The following SMG5 variants were observed in gnomAD, a reference collection of about 807,000 sequenced individuals.
The protein encoded by SMG5 is SMG5 nonsense mediated mRNA decay factor.
In SMG5, 53 loss-of-function variants were observed where a neutral mutation model predicts 122.9. That is an observed-to-expected ratio of 0.43 (90% CI 0.35 to 0.54). The LOEUF (loss-of-function observed/expected upper bound fraction) is 0.54. SMG5 is among the 20% of genes least tolerant of loss of function. The pLI is 0.01. For missense variants in SMG5, 1,153 were observed against 1,285.6 expected (o/e 0.90, Z 1.58); for synonymous variants, 477 against 490.2 (o/e 0.97, Z 0.35).
At chr1:156,269,805 G>A (rs1222039539) in intron 7 of SMG5, among the ~76,000 whole-genome samples, 1 of 152,194 alleles carries the variant, frequency 6.6e-6, no homozygotes, top group African/African-American at 2.4e-5. Flanking sequence ...AATCCAGGAG[G>A]CGGAGCTTGC....
chr1:156,279,060 C>T, intron 1 of SMG5, 26 bp from the exon 2 acceptor site: 3 of 1,592,458 alleles, frequency 1.9e-6, no homozygotes, highest in Non-Finnish European at 2.6e-6. Flanking sequence ...GGCAAATATC[C>T]CCTCAGCCAT....
At chr1:156,283,553 G>A (rs1233568355), upstream of SMG5, among the ~76,000 whole-genome samples, 1 of 152,116 alleles carries the variant, frequency 6.6e-6, no homozygotes, top group African/African-American at 2.4e-5. Flanking sequence ...AATCAGGGCA[G>A]GTGGGCTTAC....
chr1:156,264,869 T>C (rs988278550), intron 12 of SMG5, among the ~76,000 whole-genome samples: 2 of 151,872 alleles, frequency 1.3e-5, no homozygotes, highest in African/African-American at 4.8e-5. Flanking sequence ...CTACTAAAAA[T>C]ACAAAAATTA....
At chr1:156,251,981 C>T (rs1661376296) in intron 19 of SMG5, among the ~76,000 whole-genome samples, 1 of 152,234 alleles carries the variant, frequency 6.6e-6, no homozygotes, top group Non-Finnish European at 1.5e-5. Flanking sequence ...ACCACTCCCT[C>T]AGCTCAGCAG....
the SMG5 span, chr1:156,291,414 G>A: frequency 1.9e-6 from 3 of 1,613,914 alleles, no homozygotes; most frequent in African/African-American, 2.7e-5. Flanking sequence ...TTTGCCGTGG[G>A]CCGCTCCTTC....
At chr1:156,268,024 C>T in intron 9 of SMG5, 91 bp downstream of exon 9, 1 of 1,331,602 alleles carries the variant, frequency 7.5e-7, no homozygotes, top group Non-Finnish European at 1.1e-6. Context: ...GAGGGCAGAA[C>T]TCGACAGTCC....
chr1:156,281,663 T>TC (rs2101578670), intron 1 of SMG5, among the ~76,000 whole-genome samples: 1 of 152,316 alleles, frequency 6.6e-6, no homozygotes, highest in East Asian at 1.9e-4. Flanking sequence ...CATGCAAATA[T>TC]CCGTGTTCTA....
At chr1:156,272,296 G>A (rs780425955) in intron 7 of SMG5, 24 bp downstream of exon 7, 16 of 1,573,790 alleles carry the variant, frequency 1.0e-5, no homozygotes, top group Middle Eastern at 1.7e-4. Context: ...AGCAGGGCTG[G>A]AAAAAGAGCT....
chr1:156,272,042 C>A (rs528894825), intron 7 of SMG5, among the ~76,000 whole-genome samples: 60 of 152,316 alleles, frequency 3.9e-4, no homozygotes, highest in African/African-American at 1.4e-3. Flanking sequence ...ATTTTACCAA[C>A]TGTATCAAAT....
At chr1:156,257,764 TCAGA>T (rs775312687) in intron 16 of SMG5, among the ~76,000 whole-genome samples, 1 of 152,082 alleles carries the variant, frequency 6.6e-6, no homozygotes, top group Non-Finnish European at 1.5e-5. Context: ...GAAATGGCAC[TCAGA>T]CAGGGTGTGG....
upstream of SMG5, among the ~76,000 whole-genome samples, chr1:156,286,852 A>G (rs1663179335): frequency 6.6e-6 from 1 of 152,246 alleles, no homozygotes. Flanking sequence ...GGCTGGGTGC[A>G]GTGGCTCATG....
intron 16 of SMG5, among the ~76,000 whole-genome samples, chr1:156,258,713 T>G (rs775576210): frequency 2.6e-4 from 40 of 152,062 alleles, no homozygotes; most frequent in Non-Finnish European, 4.1e-4. Context: ...GGAGAATCAC[T>G]TGAACCTGGG....
In SMG5 at chr1:156,260,502, G is replaced by A. The variant is rs1661771738; in HGVS notation, c.2232C>T (p.His744=). The change falls in exon 15 of 22, where the codon CAC becomes CAT. Residue 744 remains histidine, a synonymous_variant. Coordinates refer to ENST00000361813, the MANE Select transcript of SMG5 (RefSeq NM_015327.3). ...GATCCGTGTCAAAGTTAAAGCGTCT[G>A]TGGGCAGCTCGGAGCGGGGGCAGGT... ...LRNLPPLRAA[H]RRFNFDTDRP... is the part of the protein sequence containing the mutation. 6.3e-7 allele frequency: 1 copy of A among 1,591,720 alleles called. No individual in the cohort carries two copies. Among genetic ancestry groups the A allele is most frequent in the South Asian group, 1.1e-5 (1 of 87,794 alleles).
intron 16 of SMG5, among the ~76,000 whole-genome samples, chr1:156,255,462 C>G (rs2103209778): frequency 6.6e-6 from 1 of 152,122 alleles, no homozygotes; most frequent in South Asian, 2.1e-4. Context: ...TCGCTTGAAC[C>G]CGGGAGGCAG....
At chr1:156,271,293 C>T (rs1422085900) in intron 7 of SMG5, among the ~76,000 whole-genome samples, 1 of 152,168 alleles carries the variant, frequency 6.6e-6, no homozygotes, top group Non-Finnish European at 1.5e-5. Flanking sequence ...TAGTAGTTGA[C>T]CACTTAAGCT....
At chr1:156,272,445 C>A (rs1338332655) in intron 6 of SMG5, 47 bp from the exon 7 acceptor site, 1 of 1,511,316 alleles carries the variant, frequency 6.6e-7, no homozygotes, top group South Asian at 1.2e-5. Context: ...AATACTCATT[C>A]AAAGCTGCCA....
Position 156,274,612 on chromosome 1 carries a change from A to G in SMG5, c.529T>C (p.Tyr177His), listed in dbSNP as rs760944702. 6.2e-7 allele frequency: 1 copy of G among 1,613,990 alleles called. No individual in the cohort carries two copies. The highest frequency in any genetic ancestry group is 8.5e-7 in the Non-Finnish European group (1 of 1,179,870). Residue 177 changes from tyrosine to histidine, a missense_variant, in exon 5 of 22, where the codon TAT (tyrosine) becomes CAT (histidine). This residue lies in a region of SMG5 where 85 missense variants were observed against 127.3 expected (regional missense o/e 0.67). Coordinates refer to ENST00000361813, the MANE Select transcript of SMG5 (RefSeq NM_015327.3). Reference protein sequence around the residue: ...AQMACHRCLVYLGDLSRYQNE... With the variant: ...AQMACHRCLVHLGDLSRYQNE... ...AAATTCTTACACAAATCCCCCAGAT[A>G]CACCAGACATCGGTGACATGCCATC...
upstream of SMG5, chr1:156,286,475 T>G: frequency 1.2e-6 from 2 of 1,613,958 alleles, no homozygotes; most frequent in Non-Finnish European, 1.7e-6. Context: ...CGTCTCCCGG[T>G]AAGTTGGGGC....
chr1:156,266,824 T>C, intron 10 of SMG5, 146 bp from the exon 11 acceptor site: 1 of 1,108,628 alleles, frequency 9.0e-7, no homozygotes, highest in South Asian at 1.8e-5. Flanking sequence ...TTTTAACTTT[T>C]TAGAGACAAG....
Sources: allele counts gnomAD v4.1 joint callset (sites outside exome capture counted in the v4.1 genomes callset), GRCh38; gene constraint gnomAD v4.1.1; regional missense constraint gnomAD v4.1.1; transcripts MANE v1.5; gene names NCBI Gene and HGNC (gene_info 2026-07-23, HGNC 2026-07-21).